Variants in RSF1 observed in about 807,000 individuals in gnomAD.
The protein encoded by RSF1 is HBV pX-associated protein 8.
A neutral mutation model predicts 145.2 loss-of-function variants in RSF1; 13 were observed. That is an observed-to-expected ratio of 0.09 (90% confidence interval 0.06 to 0.14). The LOEUF is 0.14. Ranked by LOEUF, RSF1 falls within the 10% of genes least tolerant of loss-of-function variation. RSF1 has a pLI of 1.00. For missense variants in RSF1, 1,517 were observed against 1,718.2 expected, an observed-to-expected ratio of 0.88 and a Z score of 2.07; for synonymous variants, 577 against 592.6, an observed-to-expected ratio of 0.97 and a Z score of 0.38.
At chr11:77,758,229 AG>A (rs1351532180) in intron 2 of RSF1, among the ~76,000 whole-genome samples, 5 of 152,196 alleles carry the variant, frequency 3.3e-5, no homozygotes, top group African/African-American at 1.2e-4. Context: ...CACTCACAAA[AG>A]AACTTTCACA....
the RSF1 span, chr11:77,842,505 C>T: frequency 6.2e-7 from 1 of 1,613,440 alleles, no homozygotes; most frequent in Non-Finnish European, 8.5e-7. Flanking sequence ...TTATGACTTC[C>T]CCTGAAATTG....
intron 1 of RSF1, among the ~76,000 whole-genome samples, chr11:77,804,983 G>T (rs1452716329): frequency 1.3e-5 from 2 of 152,090 alleles, no homozygotes; most frequent in African/African-American, 2.4e-5. Context: ...CATCTACAAT[G>T]AACTAAATCC....
At chr11:77,821,163 C>G (rs1948877933), upstream of RSF1, 3 of 379,888 alleles carry the variant, frequency 7.9e-6, no homozygotes, top group Admixed American at 4.2e-5. Flanking sequence ...GCGCAGATCC[C>G]GAAGCAGCGC....
Position 77,820,637 on chromosome 11 carries a change from G to C in RSF1, c.78C>G (p.Val26=), listed in dbSNP as rs1283306714. The C allele has an allele frequency of 3.2e-6, 5 of 1,564,744 alleles. No homozygotes were observed. Among genetic ancestry groups the C allele is most frequent in the Non-Finnish European group, 4.3e-6 (5 of 1,156,290 alleles). ...CPGSCPNFAV[V]CSFLERYGPL... ...GCCCGTAGCGCTCCAAGAAGGAGCAGACTACGGCGAAGTTGGGGCACGAAC... is the reference window on the plus strand; with the variant it reads ...GCCCGTAGCGCTCCAAGAAGGAGCACACTACGGCGAAGTTGGGGCACGAAC... The change falls in exon 1 of 16, where the codon GTC becomes GTG. Residue 26 remains valine (V), a synonymous_variant. Transcript: ENST00000308488.
At chr11:77,867,267 T>C in the RSF1 span, among the ~76,000 whole-genome samples, 1 of 152,156 alleles carries the variant, frequency 6.6e-6, no homozygotes, top group East Asian at 1.9e-4. Context: ...GCTCTTTTCC[T>C]ATACCATCTC....
At chr11:77,753,991 G>GA (rs1047492452) in intron 2 of RSF1, among the ~76,000 whole-genome samples, 86 of 152,234 alleles carry the variant, frequency 5.6e-4, no homozygotes, top group African/African-American at 2.0e-3. Flanking sequence ...AACTGTGTTT[G>GA]AAAAACCCTA....
chr11:77,681,985 C>T (rs1959873993), intron 11 of RSF1, among the ~76,000 whole-genome samples: 1 of 152,036 alleles, frequency 6.6e-6, no homozygotes, highest in Non-Finnish European at 1.5e-5. Flanking sequence ...GTCTCTAACC[C>T]CATATTTTCC....
the RSF1 span, among the ~76,000 whole-genome samples, chr11:77,854,450 C>T: frequency 6.6e-6 from 1 of 152,224 alleles, no homozygotes; most frequent in South Asian, 2.1e-4. Flanking sequence ...TGGCTAAATA[C>T]TTCCATTCCA....
upstream of RSF1, among the ~76,000 whole-genome samples, chr11:77,824,081 G>T (rs145685933): frequency 6.6e-6 from 1 of 152,212 alleles, no homozygotes; most frequent in Non-Finnish European, 1.5e-5. Context: ...CCAAAGATAA[G>T]AAGTGTTTTG....
chr11:77,688,120 C>T (rs1960057892), intron 9 of RSF1, among the ~76,000 whole-genome samples: 1 of 151,950 alleles, frequency 6.6e-6, no homozygotes, highest in Non-Finnish European at 1.5e-5. Flanking sequence ...GTGAAATCCT[C>T]GTCTCTACTA....
At chr11:77,720,837 A>G (rs1358041659) in intron 5 of RSF1, among the ~76,000 whole-genome samples, 2 of 152,168 alleles carry the variant, frequency 1.3e-5, no homozygotes, top group African/African-American at 4.8e-5. Flanking sequence ...AGAAAGAGAG[A>G]CCAGACTGAG....
intron 1 of RSF1, among the ~76,000 whole-genome samples, chr11:77,765,513 C>G (rs1948216637): frequency 6.6e-6 from 1 of 152,124 alleles, no homozygotes; most frequent in Non-Finnish European, 1.5e-5. Flanking sequence ...AAAATCTGCC[C>G]TCTGACAACT....
At chr11:77,717,631 GT>G (rs1960847451) in intron 5 of RSF1, 1 of 152,196 alleles carries the variant, frequency 6.6e-6, no homozygotes, top group Admixed American at 6.5e-5. Flanking sequence ...ACTGTGTTGT[GT>G]AGCTCATTTA....
intron 11 of RSF1, 89 bp downstream of exon 11, chr11:77,683,619 GCA>G: frequency 1.3e-6 from 1 of 773,322 alleles, no homozygotes; most frequent in East Asian, 2.5e-5. Context: ...GCAATAATCA[GCA>G]TGATAGAAAA....
intron 1 of RSF1, among the ~76,000 whole-genome samples, chr11:77,799,854 G>T (rs997639089): frequency 1.3e-5 from 2 of 152,116 alleles, no homozygotes; most frequent in African/African-American, 2.4e-5. Flanking sequence ...TAAATAAAAA[G>T]ATTATAAAAG....
At chr11:77,766,870 A>G (rs1948231720) in intron 1 of RSF1, among the ~76,000 whole-genome samples, 1 of 152,208 alleles carries the variant, frequency 6.6e-6, no homozygotes, top group Non-Finnish European at 1.5e-5. Context: ...GCAGGGCCGA[A>G]GCTAGATATA....
upstream of RSF1, chr11:77,821,024 CGGGGCG>C (rs1565192029): frequency 4.3e-6 from 1 of 234,140 alleles, no homozygotes; most frequent in African/African-American, 2.4e-5. Flanking sequence ...ACAAGGGAAG[CGGGGCG>C]GGGAGGCGGG....
chr11:77,681,373 G>A (rs1208714416), intron 11 of RSF1, among the ~76,000 whole-genome samples: 2 of 152,120 alleles, frequency 1.3e-5, no homozygotes, highest in Non-Finnish European at 2.9e-5. Flanking sequence ...AACATGATAT[G>A]TATTTCATTC....
At chr11:77,667,616 T>C in intron 15 of RSF1, 125 bp from the exon 16 acceptor site, 1 of 787,582 alleles carries the variant, frequency 1.3e-6, no homozygotes, top group Non-Finnish European at 2.0e-6. Flanking sequence ...ATGTTTCCTT[T>C]CAATAATTGG....
Sources: gnomAD v4.1 joint callset for allele counts (sites outside exome capture counted in the v4.1 genomes callset) on GRCh38, gnomAD v4.1.1 for gene constraint, MANE v1.5 for transcripts, NCBI Gene and HGNC (gene_info 2026-07-23, HGNC 2026-07-21) for gene names.